SELENOI: variants seen among roughly 807,000 people sequenced by gnomAD.
SELENOI encodes the protein selenoprotein I.
SELENOI carries 24 observed loss-of-function variants against 50.7 expected under a neutral mutation model. The observed-to-expected ratio is 0.47, with a 90% CI of 0.34 to 0.67. SELENOI has a LOEUF of 0.67. SELENOI is among the 30% of genes least tolerant of loss of function. SELENOI has a pLI of 0.01. For missense variants in SELENOI, 352 were observed against 461.4 expected, an observed-to-expected ratio of 0.76 and a Z score of 2.17; for synonymous variants, 155 against 170.2, an observed-to-expected ratio of 0.91 and a Z score of 0.70.
rs1185552322 is a variant in SELENOI at position 26,373,599 on chromosome 2, C to T, written c.543C>T (p.Phe181=). ...HWEKYNTGIL[F]LPWGYDISQV... is the part of the protein sequence containing the mutation. ...AAAAGTATAACACAGGGATTCTTTTCCTGCCATGGGGATATGACATTAGCC... is the reference window on the plus strand; with the variant it reads ...AAAAGTATAACACAGGGATTCTTTTTCTGCCATGGGGATATGACATTAGCC... The change falls in exon 5 of 10, where the codon TTC becomes TTT. Residue 181 remains phenylalanine (F), a synonymous_variant. Transcript: ENST00000260585. 3 of 1,613,906 alleles carry T rather than the reference C, an allele frequency of 1.9e-6. No individual in the cohort carries two copies. Among genetic ancestry groups the T allele is most frequent in the Non-Finnish European group, 2.5e-6 (3 of 1,179,856 alleles).
intron 6 of SELENOI, among the ~76,000 whole-genome samples, chr2:26,381,588 C>T (rs1353421516): frequency 6.6e-6 from 1 of 152,172 alleles, no homozygotes; most frequent in Non-Finnish European, 1.5e-5. Flanking sequence ...TCCAACACCT[C>T]AGAGCTACAA....
At chr2:26,358,739 G>C (rs1677114835) in intron 1 of SELENOI, among the ~76,000 whole-genome samples, 1 of 152,214 alleles carries the variant, frequency 6.6e-6, no homozygotes. Context: ...TAAAACTTTA[G>C]ATGCAGTATC....
intron 9 of SELENOI, among the ~76,000 whole-genome samples, chr2:26,388,042 G>A (rs1677883196): frequency 6.6e-6 from 1 of 152,090 alleles, no homozygotes; most frequent in Non-Finnish European, 1.5e-5. Context: ...GCCCTCATTT[G>A]TTAGAACAAA....
intron 1 of SELENOI, among the ~76,000 whole-genome samples, chr2:26,354,399 T>G (rs1330921648): frequency 3.3e-5 from 5 of 152,102 alleles, no homozygotes; most frequent in Non-Finnish European, 7.4e-5. Context: ...TGTTTTGTTT[T>G]TGTTTTTTCG....
Position 26,390,687 on chromosome 2 carries a change from TG to T in SELENOI, c.*1586del, listed in dbSNP as rs1489723293. On this transcript the variant is annotated 3_prime_UTR_variant, in exon 10 of 10. Transcript: ENST00000260585. ...GAAATTGTAAAGGTTGAGGTGTATT[TG>T]GTGACTTTCTCTGAGACACAGATGA... 7.2e-5 allele frequency: 11 copies of T among 152,228 alleles called. No individual in the cohort carries two copies. Among genetic ancestry groups the T allele is most frequent in the Non-Finnish European group, 1.2e-4 (8 of 68,038 alleles). The allele number at this position is 152,228 out of a possible 1,614,324, so 9.4% of individuals were successfully genotyped here.
intron 6 of SELENOI, among the ~76,000 whole-genome samples, chr2:26,376,501 A>C (rs1267312251): frequency 6.6e-6 from 1 of 152,112 alleles, no homozygotes; most frequent in Non-Finnish European, 1.5e-5. Flanking sequence ...TAGGCACATA[A>C]TTTTCTTTAT....
At chr2:26,369,666 T>G (rs34436433) in intron 4 of SELENOI, among the ~76,000 whole-genome samples, 43,146 of 152,150 alleles carry the variant, frequency 0.28, 7,178 homozygotes, top group Non-Finnish European at 0.36. Context: ...TTGCTTTCAT[T>G]CTTGTGATTT....
chr2:26,366,959 C>T (rs567030408), intron 3 of SELENOI, among the ~76,000 whole-genome samples, 187 bp from the exon 4 acceptor site: 2 of 152,270 alleles, frequency 1.3e-5, no homozygotes, highest in Admixed American at 1.3e-4. Context: ...TTGTGACAGG[C>T]TGGGATGTTG....
At chr2:26,380,230 C>T (rs1244272562) in intron 6 of SELENOI, among the ~76,000 whole-genome samples, 1 of 152,194 alleles carries the variant, frequency 6.6e-6, no homozygotes, top group Non-Finnish European at 1.5e-5. Context: ...GTTACCCAAT[C>T]CTTTCTTTCC....
At chr2:26,376,713 AG>A (rs1274963446) in intron 6 of SELENOI, among the ~76,000 whole-genome samples, 7 of 152,352 alleles carry the variant, frequency 4.6e-5, no homozygotes, top group African/African-American at 1.7e-4. Flanking sequence ...GTTCTTTCCC[AG>A]AAGTTTGAAG....
rs1678034878 is a variant in SELENOI at position 26,394,253 on chromosome 2, C to G, written c.*5150C>G. ...TAAAAATACAAAAAAATTAGCTGGG[C>G]ATGGTGGCATGTGCCTGTAATCCCA... On this transcript the variant is annotated 3_prime_UTR_variant, in exon 10 of 10. Transcript: ENST00000260585. The surrounding 1 kb of genome is among the most constrained non-coding windows in gnomAD (Gnocchi z 4.1). The G allele has an allele frequency of 6.6e-6, 1 of 152,152 alleles. No individual in the cohort carries two copies. Among genetic ancestry groups the G allele is most frequent in the South Asian group, 2.1e-4 (1 of 4,818 alleles). The allele number at this position is 152,152 out of a possible 1,614,324, so 9.4% of individuals were successfully genotyped here. A position where few individuals can be genotyped will look rare whatever the true frequency, so the allele number is the denominator to read the frequency against.
In SELENOI at chr2:26,346,160, G is replaced by A. The variant is rs751647732; in HGVS notation, c.-73G>A. On this transcript the variant is annotated 5_prime_UTR_variant, in exon 1 of 10. Coordinates refer to ENST00000260585, the MANE Select transcript of SELENOI (RefSeq NM_033505.4). Reference sequence around the variant, plus strand: ...CAGTCTTTGCCATCCTTGCCCAGCCGGTGTGGTGCTTGTGTGTCACAGCCT... The same window carrying A: ...CAGTCTTTGCCATCCTTGCCCAGCCAGTGTGGTGCTTGTGTGTCACAGCCT... 4.3e-6 allele frequency: 7 copies of A among 1,610,094 alleles called. No homozygotes were observed. In the Admixed American group the frequency reaches 5.0e-5, roughly 12 times the overall value.
intron 6 of SELENOI, among the ~76,000 whole-genome samples, chr2:26,381,711 C>T (rs1469066091): frequency 2.6e-5 from 4 of 152,110 alleles, no homozygotes; most frequent in Non-Finnish European, 4.4e-5. Flanking sequence ...GTGGTCTTCT[C>T]CTTCCTTTCC....
At chr2:26,388,928 A>G in intron 9 of SELENOI, 77 bp from the exon 10 acceptor site, 1 of 1,107,816 alleles carries the variant, frequency 9.0e-7, no homozygotes, top group Non-Finnish European at 1.3e-6. Flanking sequence ...TGTTATCTCT[A>G]GGGGGTAAAT....
intron 4 of SELENOI, among the ~76,000 whole-genome samples, chr2:26,371,687 C>G (rs937234228): frequency 6.6e-6 from 1 of 152,220 alleles, no homozygotes; most frequent in Non-Finnish European, 1.5e-5. Context: ...AGCGAAACCC[C>G]GTCTCCACCA....
intron 1 of SELENOI, among the ~76,000 whole-genome samples, chr2:26,351,500 G>A (rs1676959333): frequency 6.6e-6 from 1 of 152,214 alleles, no homozygotes; most frequent in Non-Finnish European, 1.5e-5. Flanking sequence ...GAGTGAAACT[G>A]TCATAAATCA....
chr2:26,376,323 G>C (rs1454857754), intron 6 of SELENOI, among the ~76,000 whole-genome samples: 1 of 152,074 alleles, frequency 6.6e-6, no homozygotes, highest in Non-Finnish European at 1.5e-5. Context: ...TGTATAAACT[G>C]TTTTTTCTTT....
At chr2:26,354,543 C>A in intron 1 of SELENOI, among the ~76,000 whole-genome samples, 1 of 151,690 alleles carries the variant, frequency 6.6e-6, no homozygotes, top group East Asian at 1.9e-4. Flanking sequence ...GCCGCCACCA[C>A]GCCCGGCTAA....
intron 1 of SELENOI, among the ~76,000 whole-genome samples, chr2:26,349,416 C>T (rs1284567306): frequency 1.3e-5 from 2 of 151,818 alleles, no homozygotes; most frequent in Non-Finnish European, 2.9e-5. Flanking sequence ...AAGCAGTTCT[C>T]CTGCCTCAGC....
Sources: gnomAD v4.1 joint callset for allele counts (sites outside exome capture counted in the v4.1 genomes callset) on GRCh38, gnomAD v4.1.1 for gene constraint, Gnocchi (gnomAD v3.1) non-coding constraint, MANE v1.5 for transcripts, NCBI Gene and HGNC (gene_info 2026-07-23, HGNC 2026-07-21) for gene names.